Variants in NPAS3 observed in about 807,000 individuals in gnomAD.
The protein encoded by NPAS3 is neuronal PAS domain-containing protein 3.
NPAS3 carries 14 observed loss-of-function variants against 73.1 expected under a neutral mutation model. That is an observed-to-expected ratio of 0.19 (90% confidence interval 0.13 to 0.30). The LOEUF (loss-of-function observed/expected upper bound fraction) is 0.30. NPAS3 is among the 10% of genes least tolerant of loss of function. The pLI, the probability that NPAS3 is intolerant of heterozygous loss-of-function variation, is 1.00. For missense variants in NPAS3, 1,096 were observed against 1,250.0 expected, an observed-to-expected ratio of 0.88 and a Z score of 1.86; for synonymous variants, 620 against 541.5, an observed-to-expected ratio of 1.14 and a Z score of -2.01.
upstream of NPAS3, among the ~76,000 whole-genome samples, chr14:32,936,859 T>TTC (rs2035710450): frequency 1.3e-5 from 2 of 151,876 alleles, 1 homozygote; most frequent in South Asian, 4.2e-4. Flanking sequence ...CACTGGTGCT[T>TTC]TCCACTTTCA....
intron 3 of NPAS3, among the ~76,000 whole-genome samples, chr14:33,341,512 TG>T (rs1385944406): frequency 1.1e-4 from 16 of 152,246 alleles, no homozygotes; most frequent in African/African-American, 3.9e-4. Context: ...CTAGTGTCCT[TG>T]TAAATTACAG....
At chr14:33,267,868 G>A (rs1393360340) in intron 3 of NPAS3, among the ~76,000 whole-genome samples, 2 of 152,084 alleles carry the variant, frequency 1.3e-5, no homozygotes, top group African/African-American at 4.8e-5. Flanking sequence ...GTGAGTCTTG[G>A]CCACTCTGCT....
chr14:33,235,778 A>C (rs2048011030), intron 3 of NPAS3, among the ~76,000 whole-genome samples: 1 of 151,034 alleles, frequency 6.6e-6, no homozygotes, highest in Admixed American at 6.6e-5. Context: ...TTGCGTACAA[A>C]AGACTAAAAG....
At chr14:33,702,012 T>C (rs371629446) in intron 6 of NPAS3, among the ~76,000 whole-genome samples, 12 of 152,288 alleles carry the variant, frequency 7.9e-5, no homozygotes, top group Admixed American at 2.6e-4. Flanking sequence ...AAAAAGTAGA[T>C]TGTCAAACTG....
At chr14:33,443,141 T>C (rs2049328604) in intron 4 of NPAS3, among the ~76,000 whole-genome samples, 1 of 152,214 alleles carries the variant, frequency 6.6e-6, no homozygotes, top group Non-Finnish European at 1.5e-5. Context: ...TATTGCATTG[T>C]TCATAGTTAT....
chr14:33,504,966 A>T (rs2052688607), intron 4 of NPAS3, among the ~76,000 whole-genome samples: 1 of 152,038 alleles, frequency 6.6e-6, no homozygotes, highest in Admixed American at 6.6e-5. Flanking sequence ...ATGGGAGAAC[A>T]TATGGAAAGA....
At chr14:33,669,628 C>CAA (rs1252858824) in intron 5 of NPAS3, among the ~76,000 whole-genome samples, 1 of 152,166 alleles carries the variant, frequency 6.6e-6, no homozygotes, top group Non-Finnish European at 1.5e-5. Context: ...GGGAGATCTT[C>CAA]AAAGAGTTTG....
chr14:33,606,705 C>T (rs746087857), intron 5 of NPAS3, among the ~76,000 whole-genome samples: 5 of 151,920 alleles, frequency 3.3e-5, no homozygotes, highest in African/African-American at 7.3e-5. Context: ...CTAATTATGA[C>T]GCTAAAAGCA....
rs527525090 is a variant in NPAS3 at position 33,495,171 on chromosome 14, T to C, written c.469-64950T>C. On this transcript the variant is annotated intron_variant, in intron 4 of 11. Coordinates refer to ENST00000356141, the Ensembl canonical transcript of NPAS3. ...GCTGTATCCCAGAGATTCTGGTACATTGTGTCTTTGTTCTCACTGGTTTCA... is the reference window on the plus strand; with the variant it reads ...GCTGTATCCCAGAGATTCTGGTACACTGTGTCTTTGTTCTCACTGGTTTCA... 5.2e-4 allele frequency among the ~76,000 whole-genome samples: 79 copies of C among 152,254 alleles called. 3 individuals carry two copies. In the Middle Eastern group the frequency reaches 0.014, roughly 26 times the overall value.
intron 4 of NPAS3, among the ~76,000 whole-genome samples, chr14:33,494,784 AT>A (rs1308459681): frequency 4.6e-5 from 7 of 152,226 alleles, no homozygotes; most frequent in African/African-American, 1.7e-4. Flanking sequence ...AAATAAAAAA[AT>A]ATATGTCACT....
intron 2 of NPAS3, among the ~76,000 whole-genome samples, chr14:33,165,197 T>C (rs1222798242): frequency 6.6e-6 from 1 of 152,086 alleles, no homozygotes; most frequent in Admixed American, 6.6e-5. Context: ...TTTATTTTTG[T>C]TGGGTTGACT....
chr14:33,760,196 C>T (rs145038028), intron 7 of NPAS3, among the ~76,000 whole-genome samples: 3 of 152,118 alleles, frequency 2.0e-5, no homozygotes, highest in Non-Finnish European at 4.4e-5. Flanking sequence ...GCTGTCAAGT[C>T]GACCTTCACA....
chr14:33,682,564 A>G (rs2059969465), intron 6 of NPAS3, among the ~76,000 whole-genome samples: 2 of 152,224 alleles, frequency 1.3e-5, no homozygotes, highest in South Asian at 4.1e-4. Context: ...TTTTGCCTCA[A>G]AAAAGCTACC....
intron 9 of NPAS3, among the ~76,000 whole-genome samples, chr14:33,783,873 A>G (rs1393289099): frequency 2.0e-5 from 3 of 152,170 alleles, no homozygotes; most frequent in Non-Finnish European, 4.4e-5. Flanking sequence ...TACAGACCAT[A>G]CTAGTCTTTA....
rs199721045 is a variant in NPAS3, at chr14:33,202,281, G to A, written c.141-12901G>A. 2.6e-5 allele frequency among the ~76,000 whole-genome samples: 4 copies of A among 152,122 alleles called. No homozygotes were observed. In the East Asian group the frequency reaches 5.8e-4, roughly 22 times the overall value. On this transcript the variant is annotated intron_variant, in intron 2 of 11. Coordinates refer to ENST00000356141, the Ensembl canonical transcript of NPAS3. ...AGCCAGGTGTGGTAGTGCACACCTAGAGTCCCAGCTGCCTGGGAGGCTGAG... is the reference window on the plus strand; with the variant it reads ...AGCCAGGTGTGGTAGTGCACACCTAAAGTCCCAGCTGCCTGGGAGGCTGAG...
At chr14:33,432,085 T>C (rs1023458431) in intron 4 of NPAS3, among the ~76,000 whole-genome samples, 3 of 152,160 alleles carry the variant, frequency 2.0e-5, no homozygotes, top group African/African-American at 4.8e-5. Context: ...AAAGTACTTT[T>C]CTTGTATAGG....
intron 4 of NPAS3, among the ~76,000 whole-genome samples, chr14:33,533,006 A>G (rs1204110189): frequency 6.6e-6 from 1 of 152,132 alleles, no homozygotes; most frequent in Admixed American, 6.6e-5. Flanking sequence ...TCTAAACAGC[A>G]TTCCTTAATT....
chr14:32,967,772 G>GGC (rs1555311739), intron 1 of NPAS3, among the ~76,000 whole-genome samples: 1 of 44,306 alleles, frequency 2.3e-5, no homozygotes, highest in Non-Finnish European at 6.8e-5. Context: ...AACAGCATGT[G>GGC]GGGGGGGGTC....
chr14:33,374,551 A>G (rs1336561254), intron 4 of NPAS3, among the ~76,000 whole-genome samples: 1 of 151,942 alleles, frequency 6.6e-6, no homozygotes, highest in African/African-American at 2.4e-5. Context: ...TTATTTATGT[A>G]TTTGTTACTG....
Sources: gnomAD v4.1 joint callset for allele counts (sites outside exome capture counted in the v4.1 genomes callset) on GRCh38, gnomAD v4.1.1 for gene constraint, MANE v1.5 for transcripts, NCBI Gene and HGNC (gene_info 2026-07-23, HGNC 2026-07-21) for gene names.